TASOR2: variants seen among roughly 807,000 people sequenced by gnomAD.
The protein encoded by TASOR2 is protein TASOR 2.
Under a neutral mutation model 199.5 loss-of-function variants are expected in TASOR2, and 84 were observed. The ratio of observed to expected loss-of-function variants is 0.42; its 90% confidence interval spans 0.35 to 0.50. The LOEUF is 0.50. Ranked by LOEUF, TASOR2 falls within the 20% of genes least tolerant of loss-of-function variation. The probability of loss-of-function intolerance (pLI) is 0.02; values close to 1 mark genes in which losing one functional copy is unlikely to be tolerated. For missense variants in TASOR2, 2,796 were observed against 2,835.9 expected, an observed-to-expected ratio of 0.99 and a Z score of 0.32; for synonymous variants, 1,103 against 1,046.6, an observed-to-expected ratio of 1.05 and a Z score of -1.04.
chr10:5,759,456 CAT>C (rs1839452099), intron 18 of TASOR2, among the ~76,000 whole-genome samples: 1 of 152,152 alleles, frequency 6.6e-6, no homozygotes, highest in Non-Finnish European at 1.5e-5. Context: ...GAAAAAAATA[CAT>C]GTTTGATTCC....
chr10:5,733,144 C>G (rs1250826229), intron 11 of TASOR2, among the ~76,000 whole-genome samples: 1 of 152,132 alleles, frequency 6.6e-6, no homozygotes, highest in East Asian at 1.9e-4. Flanking sequence ...CAAGTTCATA[C>G]ATGACTGGAA....
intron 7 of TASOR2, 36 bp from the exon 9 acceptor site, chr10:5,724,394 T>G (rs1008193959): frequency 8.8e-7 from 1 of 1,133,300 alleles, no homozygotes; most frequent in East Asian, 3.0e-5. Context: ...AATAGCGTAT[T>G]AAAAATAAGA....
At chr10:5,712,717 G>A in intron 1 of TASOR2, 106 bp from the exon 2 acceptor site, 1 of 735,882 alleles carries the variant, frequency 1.4e-6, no homozygotes, top group Non-Finnish European at 1.9e-6. Context: ...ATGCATTTAT[G>A]TTTAGTCTTA....
intron 2 of TASOR2, among the ~76,000 whole-genome samples, chr10:5,716,287 G>A (rs937487779): frequency 6.6e-6 from 1 of 152,172 alleles, no homozygotes; most frequent in South Asian, 2.1e-4. Flanking sequence ...GGACATACGG[G>A]TTATTTCTAC....
Position 5,742,155 on chromosome 10 carries a change from T to C in TASOR2, c.2386T>C (p.Trp796Arg). Residue 796 changes from tryptophan to arginine, a missense_variant, in exon 14 of 21, where the codon TGG becomes CGG. By Grantham distance (101) the Trp-to-Arg change is moderately radical. Around this residue, in one of 3 missense-constraint regions of TASOR2, gnomAD observed 1,941 missense variants for 1,924.9 expected, o/e 1.01. Transcript: ENST00000328090. The surrounding 1 kb of genome is among the most constrained non-coding windows in gnomAD (Gnocchi z 4.2). ...AGAAGTGAAGCTTTTACTTCATATG[T>C]GGGTAGCTCTGTTTTACAGCAATCA... 2.5e-6 allele frequency: 4 copies of C among 1,614,188 alleles called. No individual in the cohort carries two copies. Among genetic ancestry groups the C allele is most frequent in the Non-Finnish European group, 2.5e-6 (3 of 1,180,026 alleles).
At chr10:5,723,616 C>A in intron 6 of TASOR2, 61 bp from the exon 8 acceptor site, 1 of 1,103,910 alleles carries the variant, frequency 9.1e-7, no homozygotes, top group Non-Finnish European at 1.2e-6. Context: ...AAAACCAAAA[C>A]TTAAGAAAAT....
chr10:5,713,444 T>G (rs1370231930), intron 2 of TASOR2, among the ~76,000 whole-genome samples: 1 of 152,156 alleles, frequency 6.6e-6, no homozygotes, highest in African/African-American at 2.4e-5. Flanking sequence ...TCCAAAGATA[T>G]GTATGGCTTC....
exon 13 of TASOR2, chr10:5,739,671 G>A (rs1391482286): frequency 6.2e-7 from 1 of 1,613,966 alleles, no homozygotes; most frequent in Admixed American, 1.7e-5. Context: ...AGGTTGTCAA[G>A]AAGATGGGAT....
At chr10:5,725,347 C>T (rs1237323591) in intron 8 of TASOR2, among the ~76,000 whole-genome samples, 5 of 126,654 alleles carry the variant, frequency 3.9e-5, no homozygotes, top group African/African-American at 6.3e-5. Flanking sequence ...GCCTAGATCG[C>T]GCAGCTGCAC....
At chr10:5,707,875 T>A (rs1049924248) in intron 1 of TASOR2, among the ~76,000 whole-genome samples, 1 of 152,114 alleles carries the variant, frequency 6.6e-6, no homozygotes, top group African/African-American at 2.4e-5. Context: ...ATCCAATGTG[T>A]CTTTAACCAC....
chr10:5,693,887 A>G (rs1292944682), intron 1 of TASOR2, among the ~76,000 whole-genome samples: 3 of 152,236 alleles, frequency 2.0e-5, no homozygotes, highest in Non-Finnish European at 1.5e-5. Context: ...TGGTGAACAG[A>G]CAATGCCTGC....
chr10:5,713,701 A>G (rs2131552702), intron 2 of TASOR2: 1 of 152,548 alleles, frequency 6.6e-6, no homozygotes, highest in East Asian at 1.9e-4. Flanking sequence ...TTGAAATTTC[A>G]TGCTTCTAAA....
At position 5,740,321 on chromosome 10, in the gene TASOR2, G is replaced by A. The variant is rs1201467917; in HGVS notation, c.2151G>A (p.Lys717=). The change falls in exon 13 of 21, where the codon AAG becomes AAA. Residue 717 remains lysine, a synonymous_variant. Transcript: ENST00000328090. This position sits in a 1 kb window ranked among gnomAD's most constrained non-coding sequence, Gnocchi z 5.3. ...AGCCTCCTGACGACCCCGTGGTGAA[G>A]CCCAAGGATCGACCACCGTCTGCCC... 6.2e-7 allele frequency: 1 copy of A among 1,614,058 alleles called. No individual in the cohort carries two copies. Among genetic ancestry groups the A allele is most frequent in the East Asian group, 2.2e-5 (1 of 44,892 alleles).
At chr10:5,749,450 C>T (rs1837703992) in exon 15 of TASOR2, 2 of 1,614,138 alleles carry the variant, frequency 1.2e-6, no homozygotes, top group Non-Finnish European at 1.7e-6. Flanking sequence ...AAGGAGTCAC[C>T]AACCCAGATC....
At chr10:5,745,653 A>T (rs1837083378) in intron 14 of TASOR2, among the ~76,000 whole-genome samples, 1 of 151,850 alleles carries the variant, frequency 6.6e-6, no homozygotes, top group African/African-American at 2.4e-5. Context: ...GGTGGCATGT[A>T]CCTGTAATCC....
rs191381445 is a variant in TASOR2, at chr10:5,710,456, G to A, written c.-287-2367G>A. Among the ~76,000 whole-genome samples, 1 of 152,108 alleles carries A rather than the reference G, an allele frequency of 6.6e-6. No homozygotes were observed. The highest frequency in any genetic ancestry group is 1.9e-4 in the East Asian group (1 of 5,188). On this transcript the variant is annotated intron_variant, in intron 1 of 20. Coordinates refer to ENST00000328090, the Ensembl canonical transcript of TASOR2. This position sits in a 1 kb window ranked among gnomAD's most constrained non-coding sequence, Gnocchi z 4.6. ...ATAAGCAAAAAATAATTTGGTACTTGTTCCTCCTCCTTCGTTTTAAATCAT... is the reference window on the plus strand; with the variant it reads ...ATAAGCAAAAAATAATTTGGTACTTATTCCTCCTCCTTCGTTTTAAATCAT...
chr10:5,710,866 C>A lies in TASOR2; in HGVS notation c.-287-1957C>A, dbSNP rs1442839850. On this transcript the variant is annotated intron_variant, in intron 1 of 20. Coordinates refer to ENST00000328090, the Ensembl canonical transcript of TASOR2. This position sits in a 1 kb window ranked among gnomAD's most constrained non-coding sequence, Gnocchi z 4.6. ...CCAAAATTATTGTTTCTAAAGAAAT[C>A]TTGATTTGTGTTTAGGCTAGCAGTA... Among the ~76,000 whole-genome samples the A allele has an allele frequency of 6.6e-6, 1 of 151,870 alleles. No homozygotes were observed. Among genetic ancestry groups the A allele is most frequent in the Non-Finnish European group, 1.5e-5 (1 of 67,870 alleles).
chr10:5,694,093 G>C (rs1414392760), intron 1 of TASOR2, among the ~76,000 whole-genome samples: 1 of 144,370 alleles, frequency 6.9e-6, no homozygotes, highest in Non-Finnish European at 1.5e-5. Context: ...GGAATGGGGA[G>C]AAAAAAAAAA....
At chr10:5,745,392 A>G (rs1378451383) in intron 14 of TASOR2, among the ~76,000 whole-genome samples, 1 of 152,178 alleles carries the variant, frequency 6.6e-6, no homozygotes, top group African/African-American at 2.4e-5. Context: ...GGTAGTAATT[A>G]ATTTACTCTG....
Sources: allele counts gnomAD v4.1 joint callset (sites outside exome capture counted in the v4.1 genomes callset), GRCh38; gene constraint gnomAD v4.1.1; regional missense constraint gnomAD v4.1.1; non-coding constraint Gnocchi (gnomAD v3.1); transcripts MANE v1.5; gene names NCBI Gene and HGNC (gene_info 2026-07-23, HGNC 2026-07-21).